Variants in C2 observed in about 807,000 individuals in gnomAD.
C2 encodes complement C2, also known as C3/C5 convertase.
In C2, 64 loss-of-function variants were observed where a neutral mutation model predicts 85.2. The observed-to-expected ratio is 0.75, with a 90% CI of 0.61 to 0.92. The LOEUF (loss-of-function observed/expected upper bound fraction) is 0.92. C2 is among the 40% of genes least tolerant of loss of function. The pLI is 0.00. For synonymous variants in C2, 311 were observed against 370.8 expected, an observed-to-expected ratio of 0.84 and a Z score of 1.85; for missense variants, 820 against 971.6, an observed-to-expected ratio of 0.84 and a Z score of 2.07.
upstream of C2, chr6:31,900,669 C>T (rs1446421582): frequency 1.2e-6 from 2 of 1,612,534 alleles, no homozygotes; most frequent in Non-Finnish European, 1.7e-6. The surrounding 1 kb of genome is among the most constrained non-coding windows in gnomAD (Gnocchi z 9.7). Flanking sequence ...GCCGACTCCA[C>T]CTTGACGATG....
At chr6:31,910,382 G>A (rs1768012805) in intron 1 of C2, among the ~76,000 whole-genome samples, 1 of 148,428 alleles carries the variant, frequency 6.7e-6, no homozygotes, top group Non-Finnish European at 1.5e-5. Context: ...TGCCCAGGCT[G>A]GAATGCACAA....
Position 31,944,329 on chromosome 6 carries a change from C to T in C2, c.1902+103C>T. 2.4e-6 allele frequency: 2 copies of T among 826,782 alleles called. No individual in the cohort carries two copies. The highest frequency in any genetic ancestry group is 4.2e-6 in the Non-Finnish European group (2 of 480,090). 51.2% of individuals were successfully genotyped at this position (826,782 alleles called of 1,614,324 possible). ...GCTGCTTTCTCTCTCTGACGCGGGT[C>T]ACCCCTCCTCCCAAGCCTCACAAAC... On this transcript the variant is annotated intron_variant, in intron 15 of 17. Coordinates refer to ENST00000299367, the MANE Select transcript of C2 (RefSeq NM_000063.6). The surrounding 1 kb of genome is among the most constrained non-coding windows in gnomAD (Gnocchi z 5.1).
At position 31,945,458 on chromosome 6, in the gene C2, C is replaced by T; in HGVS notation, c.*101C>T. ...TAGACCCTGTGATCCATCCTCTCTC[C>T]TAGCTGAGTAAATCCGGGTCTCTAG... On this transcript the variant is annotated 3_prime_UTR_variant, in exon 18 of 18. Coordinates refer to ENST00000299367, the MANE Select transcript of C2 (RefSeq NM_000063.6). The surrounding 1 kb of genome is among the most constrained non-coding windows in gnomAD (Gnocchi z 5.3). 1 of 1,151,476 alleles carries T rather than the reference C, an allele frequency of 8.7e-7. No homozygotes were observed. Among genetic ancestry groups the T allele is most frequent in the Non-Finnish European group, 1.3e-6 (1 of 774,214 alleles). 71.3% of individuals were successfully genotyped at this position (1,151,476 alleles called of 1,614,324 possible).
At chr6:31,900,332 G>A (rs555290175), upstream of C2, 8 of 1,610,594 alleles carry the variant, frequency 5.0e-6, no homozygotes, top group African/African-American at 9.3e-5. The surrounding 1 kb of genome is among the most constrained non-coding windows in gnomAD (Gnocchi z 9.7). Flanking sequence ...GTTTCCACCT[G>A]AGAAGCCCCC....
At chr6:31,897,891 G>T, upstream of C2, 1 of 1,060,290 alleles carries the variant, frequency 9.4e-7, no homozygotes, top group Non-Finnish European at 1.1e-6. Flanking sequence ...GGGACCGAGG[G>T]CGAGACACGC....
chr6:31,914,539 C>T (rs1221734999), intron 1 of C2, among the ~76,000 whole-genome samples: 2 of 149,062 alleles, frequency 1.3e-5, no homozygotes, highest in Non-Finnish European at 3.0e-5. Context: ...TGCAGTGAGC[C>T]GAGATCGTGC....
upstream of C2, among the ~76,000 whole-genome samples, chr6:31,898,975 G>T (rs2151682901): frequency 6.6e-6 from 1 of 152,138 alleles, no homozygotes; most frequent in South Asian, 2.1e-4. Context: ...GGGATATGCA[G>T]AGTTGTGACC....
At chr6:31,911,876 C>G (rs1029022644) in intron 1 of C2, among the ~76,000 whole-genome samples, 2 of 151,386 alleles carry the variant, frequency 1.3e-5, no homozygotes, top group African/African-American at 4.9e-5. Flanking sequence ...GTGATTTGCC[C>G]GCCTCAGCCT....
rs759345173 is a variant in C2, at chr6:31,944,884, G to A, written c.2029+31G>A. ...TCCCTCACCATGCCTGGATTCCCAA[G>A]GGGAAGGCCACCTGTGTCTCTGTGG... On this transcript the variant is annotated intron_variant, in intron 16 of 17. Coordinates refer to ENST00000299367, the MANE Select transcript of C2 (RefSeq NM_000063.6). The surrounding 1 kb of genome is among the most constrained non-coding windows in gnomAD (Gnocchi z 5.1). 1.9e-6 allele frequency: 3 copies of A among 1,613,090 alleles called. 1 individual carries two copies. In the South Asian group the frequency reaches 3.3e-5, roughly 18 times the overall value.
chr6:31,907,015 C>T (rs1383900334), intron 1 of C2, among the ~76,000 whole-genome samples: 1 of 151,526 alleles, frequency 6.6e-6, no homozygotes, highest in Admixed American at 6.6e-5. Flanking sequence ...TGGTGCATGC[C>T]TGTAATCCCA....
intron 8 of C2, among the ~76,000 whole-genome samples, chr6:31,938,546 C>T (rs1234477067): frequency 6.6e-6 from 1 of 150,660 alleles, no homozygotes; most frequent in Non-Finnish European, 1.5e-5. Context: ...GGCTGGACTA[C>T]AGTGGTGCGA....
In C2 at chr6:31,944,299, G is replaced by T; in HGVS notation, c.1902+73G>T. On this transcript the variant is annotated intron_variant, in intron 15 of 17. Transcript: ENST00000299367. The surrounding 1 kb of genome is among the most constrained non-coding windows in gnomAD (Gnocchi z 5.1). Reference sequence around the variant, plus strand: ...CAGAATGTCTCTCTTCCTTCTCCAGGTCTGGCTGCTTTCTCTCTCTGACGC... The same window carrying T: ...CAGAATGTCTCTCTTCCTTCTCCAGTTCTGGCTGCTTTCTCTCTCTGACGC... 1.8e-6 allele frequency: 2 copies of T among 1,099,602 alleles called. No individual in the cohort carries two copies. The highest frequency in any genetic ancestry group is 1.4e-6 in the Non-Finnish European group (1 of 714,988). The allele number at this position is 1,099,602 out of a possible 1,614,324, so 68.1% of individuals were successfully genotyped here.
upstream of C2, chr6:31,900,458 C>A (rs1422942266): frequency 6.3e-7 from 1 of 1,585,922 alleles, no homozygotes; most frequent in East Asian, 2.3e-5. The surrounding 1 kb of genome is among the most constrained non-coding windows in gnomAD (Gnocchi z 9.7). Flanking sequence ...GGCCCGGCCT[C>A]CGGGAATCAA....
chr6:31,932,074 G>A (rs867043940), intron 3 of C2, among the ~76,000 whole-genome samples: 1 of 133,150 alleles, frequency 7.5e-6, no homozygotes, highest in Non-Finnish European at 1.6e-5. Context: ...GCCGGGCAGA[G>A]GCGCCCCTCA....
intron 3 of C2, among the ~76,000 whole-genome samples, chr6:31,929,757 C>G (rs1438923623): frequency 6.9e-6 from 1 of 145,518 alleles, no homozygotes. Context: ...GCCTCGGTGC[C>G]TCACGCCTGT....
At chr6:31,917,779 G>A (rs902816709), upstream of C2, among the ~76,000 whole-genome samples, 4 of 151,896 alleles carry the variant, frequency 2.6e-5, no homozygotes, top group East Asian at 1.9e-4. Flanking sequence ...GGTGTCAGCC[G>A]TTTGTAATCC....
upstream of C2, among the ~76,000 whole-genome samples, chr6:31,926,889 G>A (rs377262496): frequency 2.3e-4 from 35 of 152,256 alleles, no homozygotes; most frequent in East Asian, 1.2e-3. Context: ...GTGGGTCAGG[G>A]AGACTAACAC....
intron 1 of C2, chr6:31,901,299 A>C (rs753174807): frequency 3.7e-6 from 6 of 1,607,654 alleles, no homozygotes; most frequent in South Asian, 3.3e-5. Flanking sequence ...TCCACCCCAG[A>C]GGCCATTGTG....
In C2 at chr6:31,945,474, G is replaced by A. The variant is rs1771325728; in HGVS notation, c.*117G>A. ...TCCTCTCTCCTAGCTGAGTAAATCC[G>A]GGTCTCTAGGATGCCAGAGGCAGCG... On this transcript the variant is annotated 3_prime_UTR_variant, in exon 18 of 18. Coordinates refer to ENST00000299367, the MANE Select transcript of C2 (RefSeq NM_000063.6). The surrounding 1 kb of genome is among the most constrained non-coding windows in gnomAD (Gnocchi z 5.3). The A allele has an allele frequency of 3.9e-6, 4 of 1,023,282 alleles. No individual in the cohort carries two copies. Among genetic ancestry groups the A allele is most frequent in the Admixed American group, 3.7e-5 (2 of 54,154 alleles). 63.4% of individuals were successfully genotyped at this position (1,023,282 alleles called of 1,614,324 possible).
Sources: gnomAD v4.1 joint callset for allele counts (sites outside exome capture counted in the v4.1 genomes callset) on GRCh38, gnomAD v4.1.1 for gene constraint, Gnocchi (gnomAD v3.1) non-coding constraint, MANE v1.5 for transcripts, NCBI Gene and HGNC (gene_info 2026-07-23, HGNC 2026-07-21) for gene names.